The following FILIP1L variants were observed in gnomAD, a reference collection of about 807,000 sequenced individuals.
FILIP1L encodes the protein filamin A interacting protein 1 like, also known as filamin A-interacting protein 1-like.
Under a neutral mutation model 96.6 loss-of-function variants are expected in FILIP1L, and 55 were observed. The observed-to-expected ratio is 0.57, with a 90% CI of 0.46 to 0.71. The LOEUF is 0.71. FILIP1L is among the 30% of genes least tolerant of loss of function. The probability of loss-of-function intolerance (pLI) is 0.00; values close to 1 mark genes in which losing one functional copy is unlikely to be tolerated. For missense variants in FILIP1L, 1,304 were observed against 1,321.2 expected (o/e 0.99, Z 0.20); for synonymous variants, 467 against 473.9 (o/e 0.99, Z 0.19).
intron 1 of FILIP1L, among the ~76,000 whole-genome samples, chr3:100,041,738 T>G (rs928193182): frequency 1.3e-5 from 2 of 152,208 alleles, no homozygotes; most frequent in Non-Finnish European, 2.9e-5. Flanking sequence ...GTATTTTATG[T>G]CTATGTAGCA....
intron 4 of FILIP1L, among the ~76,000 whole-genome samples, chr3:99,854,965 T>C (rs757998976): frequency 1.3e-5 from 2 of 152,182 alleles, no homozygotes; most frequent in South Asian, 4.1e-4. Context: ...ATTCAGTAGG[T>C]CTGGGGTGGG....
At chr3:100,110,439 A>C (rs1235421032) in intron 1 of FILIP1L, among the ~76,000 whole-genome samples, 1 of 152,104 alleles carries the variant, frequency 6.6e-6, no homozygotes, top group African/African-American at 2.4e-5. Context: ...CCAATTTCCT[A>C]GTCAAGTGAT....
intron 1 of FILIP1L, among the ~76,000 whole-genome samples, chr3:100,052,164 C>T (rs2065385375): frequency 6.6e-6 from 1 of 152,064 alleles, no homozygotes; most frequent in Non-Finnish European, 1.5e-5. Context: ...CCATGATGCA[C>T]ACTTATAATA....
chr3:99,988,443 C>T (rs574345998), intron 1 of FILIP1L, among the ~76,000 whole-genome samples: 228 of 133,980 alleles, frequency 1.7e-3, no homozygotes, highest in Non-Finnish European at 2.7e-3. Flanking sequence ...ATGTGGGAGG[C>T]GGAGGTTGCA....
chr3:100,080,599 A>T (rs891014693), intron 1 of FILIP1L, among the ~76,000 whole-genome samples: 3 of 152,194 alleles, frequency 2.0e-5, no homozygotes, highest in African/African-American at 7.2e-5. Flanking sequence ...GAAAGGCTGA[A>T]ACTGGTTAGG....
intron 1 of FILIP1L, among the ~76,000 whole-genome samples, chr3:100,100,259 G>A (rs1330830511): frequency 6.6e-6 from 1 of 152,130 alleles, no homozygotes; most frequent in Non-Finnish European, 1.5e-5. Flanking sequence ...TTGGACAAGA[G>A]ATAGAACAGG....
At chr3:100,054,033 G>A (rs2065419768) in intron 1 of FILIP1L, among the ~76,000 whole-genome samples, 1 of 152,180 alleles carries the variant, frequency 6.6e-6, no homozygotes, top group Non-Finnish European at 1.5e-5. Context: ...TTCTCCCCAA[G>A]GCTTTGAAGA....
chr3:100,025,309 A>G (rs1285717225), intron 1 of FILIP1L: 1 of 152,200 alleles, frequency 6.6e-6, no homozygotes, highest in African/African-American at 2.4e-5. Flanking sequence ...GGTTTGAGCC[A>G]GATGATTAGG....
chr3:100,026,204 G>T (rs1347621986), intron 1 of FILIP1L, among the ~76,000 whole-genome samples: 2 of 152,026 alleles, frequency 1.3e-5, no homozygotes, highest in Admixed American at 1.3e-4. Flanking sequence ...CCTTTTTATG[G>T]CCTGTTTTAA....
At chr3:100,046,879 A>G (rs1362062897) in intron 1 of FILIP1L, among the ~76,000 whole-genome samples, 1 of 152,182 alleles carries the variant, frequency 6.6e-6, no homozygotes, top group East Asian at 1.9e-4. Context: ...CCTATTTTCC[A>G]TGGTTCAGGA....
chr3:99,961,347 G>T (rs1055552307), intron 1 of FILIP1L, among the ~76,000 whole-genome samples: 3 of 152,082 alleles, frequency 2.0e-5, no homozygotes, highest in Non-Finnish European at 4.4e-5. Flanking sequence ...ACTCCATGGG[G>T]TGGCAAGCTT....
chr3:99,925,140 C>T (rs982080464), intron 3 of FILIP1L, among the ~76,000 whole-genome samples: 3 of 152,148 alleles, frequency 2.0e-5, no homozygotes, highest in Non-Finnish European at 2.9e-5. Context: ...CCTCTTGGAT[C>T]GCTCTACCAG....
chr3:100,066,517 CTTTTTTTTTTTTTTTT>C (rs545356638), intron 1 of FILIP1L, among the ~76,000 whole-genome samples: 1 of 38,304 alleles, frequency 2.6e-5, no homozygotes, highest in Non-Finnish European at 4.4e-5. Context: ...GGCTTTGCTT[CTTTTTTTTTTTTTTTT>C]TTTTTTTTTT....
intron 1 of FILIP1L, among the ~76,000 whole-genome samples, chr3:99,996,445 C>T (rs1709683573): frequency 6.6e-6 from 1 of 152,186 alleles, no homozygotes; most frequent in African/African-American, 2.4e-5. Context: ...CTTCTGAGCC[C>T]TCCAAACTGT....
intron 1 of FILIP1L, among the ~76,000 whole-genome samples, chr3:99,967,407 C>T (rs563415318): frequency 2.0e-5 from 3 of 152,268 alleles, no homozygotes; most frequent in African/African-American, 4.8e-5. Context: ...GAAGTGTTCA[C>T]TTTTTGGAAA....
chr3:100,060,870 A>G (rs1166139804), intron 1 of FILIP1L, among the ~76,000 whole-genome samples: 1 of 152,180 alleles, frequency 6.6e-6, no homozygotes, highest in Non-Finnish European at 1.5e-5. Context: ...TCGAAAAAAT[A>G]AAAATAAAAA....
chr3:100,078,381 A>T (rs748589807), intron 1 of FILIP1L, among the ~76,000 whole-genome samples: 17 of 152,220 alleles, frequency 1.1e-4, no homozygotes, highest in Non-Finnish European at 1.8e-4. Context: ...CGATGACATA[A>T]CACATATGTA....
intron 5 of FILIP1L, chr3:99,833,355 C>A (rs1350876477): frequency 3.7e-6 from 4 of 1,074,642 alleles, no homozygotes; most frequent in Non-Finnish European, 5.6e-6. Flanking sequence ...TCAAAAGAAA[C>A]CTAGCAATCT....
At chr3:99,834,499 C>T (rs1321706722) in intron 5 of FILIP1L, among the ~76,000 whole-genome samples, 1 of 152,170 alleles carries the variant, frequency 6.6e-6, no homozygotes, top group African/African-American at 2.4e-5. Context: ...CAAAATCGCT[C>T]CAAACCCAGT....
Sources: allele counts gnomAD v4.1 joint callset (sites outside exome capture counted in the v4.1 genomes callset), GRCh38; gene constraint gnomAD v4.1.1; transcripts MANE v1.5; gene names NCBI Gene and HGNC (gene_info 2026-07-23, HGNC 2026-07-21).